Variants in MAPK10 observed in about 807,000 individuals in gnomAD.
MAPK10 encodes JNK3 alpha protein kinase.
MAPK10 carries 25 observed loss-of-function variants against 59.3 expected under a neutral mutation model. The ratio of observed to expected loss-of-function variants is 0.42; its 90% CI spans 0.31 to 0.59. The LOEUF (loss-of-function observed/expected upper bound fraction) is 0.59, where lower values mean the gene tolerates loss of function less well. MAPK10 is among the 20% of genes least tolerant of loss of function. MAPK10 has a pLI of 0.15. For missense variants in MAPK10, 351 were observed against 568.9 expected, an observed-to-expected ratio of 0.62 and a Z score of 3.90; for synonymous variants, 190 against 200.5, an observed-to-expected ratio of 0.95 and a Z score of 0.44.
chr4:86,095,486 G>A (rs2054049207), intron 9 of MAPK10: 1 of 151,850 alleles, frequency 6.6e-6, no homozygotes, highest in South Asian at 2.1e-4. Context: ...TGAAAGACAT[G>A]AGAACCTCTG....
chr4:86,465,081 G>A (rs1206066046), intron 1 of MAPK10, among the ~76,000 whole-genome samples: 1 of 152,216 alleles, frequency 6.6e-6, no homozygotes, highest in Non-Finnish European at 1.5e-5. Flanking sequence ...TTTTACAGGA[G>A]GAGTTAATCC....
intron 1 of MAPK10, among the ~76,000 whole-genome samples, chr4:86,378,430 G>A (rs1223041494): frequency 2.6e-5 from 4 of 152,116 alleles, no homozygotes; most frequent in Non-Finnish European, 5.9e-5. Flanking sequence ...GTCTAAAATA[G>A]TACCCCACAT....
chr4:86,025,301 A>G, intron 13 of MAPK10: 1 of 387,316 alleles, frequency 2.6e-6, no homozygotes, highest in Non-Finnish European at 4.6e-6. Context: ...TTGCTTCTGT[A>G]TGACTCCCTC....
At chr4:86,275,685 A>T (rs539617223) in intron 2 of MAPK10, among the ~76,000 whole-genome samples, 1 of 152,236 alleles carries the variant, frequency 6.6e-6, no homozygotes, top group East Asian at 1.9e-4. Context: ...TACTACCACT[A>T]GAAAATATGT....
At chr4:86,515,174 T>A (rs978802153) in intron 1 of MAPK10, among the ~76,000 whole-genome samples, 1 of 152,234 alleles carries the variant, frequency 6.6e-6, no homozygotes. Context: ...GCAAATAGCA[T>A]TATTTCATTC....
At chr4:86,499,514 C>T (rs1755141235) in intron 1 of MAPK10, among the ~76,000 whole-genome samples, 1 of 152,184 alleles carries the variant, frequency 6.6e-6, no homozygotes, top group African/African-American at 2.4e-5. Context: ...TCACGAAACA[C>T]ACTGGAAATG....
chr4:86,437,593 T>C (rs1748918769), intron 1 of MAPK10, among the ~76,000 whole-genome samples: 1 of 152,220 alleles, frequency 6.6e-6, no homozygotes, highest in Non-Finnish European at 1.5e-5. Context: ...TTGTCAATTT[T>C]ATATCAAGTA....
chr4:86,185,434 A>AG (rs924145219), intron 3 of MAPK10, among the ~76,000 whole-genome samples: 55 of 152,270 alleles, frequency 3.6e-4, no homozygotes, highest in Non-Finnish European at 3.5e-4. Flanking sequence ...AGAGGTTTCT[A>AG]GGGGGCTAGA....
chr4:86,446,097 C>T (rs1007458560), intron 1 of MAPK10, among the ~76,000 whole-genome samples: 8 of 151,916 alleles, frequency 5.3e-5, no homozygotes, highest in African/African-American at 1.5e-4. Flanking sequence ...GACAGTAAGG[C>T]GCTGGAGGGC....
At chr4:86,246,542 A>G (rs556109167) in intron 2 of MAPK10, among the ~76,000 whole-genome samples, 1 of 152,336 alleles carries the variant, frequency 6.6e-6, no homozygotes, top group East Asian at 1.9e-4. Context: ...TTGCCCTTTT[A>G]ACACAACGCC....
intron 2 of MAPK10, among the ~76,000 whole-genome samples, chr4:86,255,302 T>A (rs530038684): frequency 6.6e-6 from 1 of 152,172 alleles, no homozygotes; most frequent in Admixed American, 6.5e-5. Context: ...CAGAAATGTA[T>A]ATCCCTGTGT....
intron 1 of MAPK10, among the ~76,000 whole-genome samples, chr4:86,470,829 AAAT>A (rs1393879034): frequency 1.3e-5 from 2 of 152,360 alleles, no homozygotes; most frequent in East Asian, 3.9e-4. Context: ...GTGATGTGAA[AAAT>A]AATAAAGGAA....
chr4:86,107,588 G>T (rs911857783), intron 4 of MAPK10: 18 of 1,140,046 alleles, frequency 1.6e-5, no homozygotes, highest in African/African-American at 3.2e-5. Context: ...AACAGGAGAA[G>T]GGGGGAAGGA....
chr4:86,538,045 C>A (rs1302415061), intron 1 of MAPK10, among the ~76,000 whole-genome samples: 1 of 152,138 alleles, frequency 6.6e-6, no homozygotes, highest in Non-Finnish European at 1.5e-5. Flanking sequence ...TATGGGTAAT[C>A]AATTAACCCA....
chr4:86,544,486 CTCTT>C (rs1342329675), intron 1 of MAPK10, among the ~76,000 whole-genome samples: 4 of 152,186 alleles, frequency 2.6e-5, no homozygotes, highest in Non-Finnish European at 5.9e-5. Flanking sequence ...TCATTTCTCT[CTCTT>C]TCTTGTCAGT....
chr4:86,359,284 CTCTCTGTGTGTGTGTG>C (rs1489537380), intron 1 of MAPK10, among the ~76,000 whole-genome samples: 10 of 132,880 alleles, frequency 7.5e-5, no homozygotes, highest in African/African-American at 2.4e-4. Context: ...CTCTCTCTCT[CTCTCTGTGTGTGTGTG>C]TGTGTGTGTG....
At chr4:86,098,954 C>T in intron 8 of MAPK10, 1 of 197,362 alleles carries the variant, frequency 5.1e-6, no homozygotes, top group Non-Finnish European at 1.1e-5. Flanking sequence ...GTGTCATTTT[C>T]CGGATGCATA....
At chr4:86,056,065 A>T (rs2044486876) in intron 11 of MAPK10, among the ~76,000 whole-genome samples, 1 of 150,044 alleles carries the variant, frequency 6.7e-6, no homozygotes, top group Non-Finnish European at 1.5e-5. Context: ...TAACCTTTTG[A>T]TATCACTCAT....
chr4:86,442,235 T>C (rs770603544), intron 1 of MAPK10, among the ~76,000 whole-genome samples: 17 of 152,216 alleles, frequency 1.1e-4, no homozygotes, highest in Non-Finnish European at 2.4e-4. Context: ...CCATATAATG[T>C]TATTTTTCAA....
Sources: allele counts gnomAD v4.1 joint callset (sites outside exome capture counted in the v4.1 genomes callset), GRCh38; gene constraint gnomAD v4.1.1; transcripts MANE v1.5; gene names NCBI Gene and HGNC (gene_info 2026-07-23, HGNC 2026-07-21).